The following MAEA variants were observed in gnomAD, a reference collection of about 807,000 sequenced individuals.
MAEA encodes the protein E3 ubiquitin-protein transferase MAEA.
Under a neutral mutation model 46.2 loss-of-function variants are expected in MAEA, and 22 were observed. That is an observed-to-expected ratio of 0.48 (90% CI 0.34 to 0.68). MAEA has a LOEUF of 0.68. Among genes scored for constraint, MAEA ranks in the 30% least tolerant of loss-of-function variants. The pLI is 0.01. For missense variants in MAEA, 393 were observed against 558.1 expected (o/e 0.70, Z 2.98); for synonymous variants, 246 against 222.6 (o/e 1.11, Z -0.94).
Position 1,312,423 on chromosome 4 carries a change from A to ATTTTTTTTTTTT in MAEA, c.252+275_252+286dup, listed in dbSNP as rs34329974. The ATTTTTTTTTTTT allele has an allele frequency of 4.1e-5, 7 of 172,014 alleles. 1 individual carries two copies. Among genetic ancestry groups the ATTTTTTTTTTTT allele is most frequent in the African/African-American group, 3.4e-4 (7 of 20,384 alleles). The allele number at this position is 172,014 out of a possible 1,614,324, so 10.7% of individuals were successfully genotyped here. ...ACCAGGATGTATAGCAGGTTGATTG[A>ATTTTTTTTTTTT]TTTTTTTTTTTTTTTTTTTTTTTTG... is the stretch of plus-strand genomic sequence containing the variant. On this transcript the variant is annotated intron_variant, in intron 2 of 8. Coordinates refer to ENST00000303400, the MANE Select transcript of MAEA (RefSeq NM_001017405.3).
At position 1,311,187 on chromosome 4, in the gene MAEA, T is replaced by C. The variant is rs1736455838; in HGVS notation, c.70-792T>C. ...CAGCACGGCCGTGTTGCTGATGCGC[T>C]GTGTGGTGAGCTGCCGGCCACCAGT... On this transcript the variant is annotated intron_variant, in intron 1 of 8. Transcript: ENST00000303400. This position sits in a 1 kb window ranked among gnomAD's most constrained non-coding sequence, Gnocchi z 4.4. Among the ~76,000 whole-genome samples the C allele has an allele frequency of 6.6e-6, 1 of 152,188 alleles. No homozygotes were observed. The highest frequency in any genetic ancestry group is 1.5e-5 in the Non-Finnish European group (1 of 68,018).
chr4:1,303,525 C>T (rs986134715), intron 1 of MAEA, among the ~76,000 whole-genome samples: 2 of 152,068 alleles, frequency 1.3e-5, no homozygotes, highest in Non-Finnish European at 2.9e-5. Flanking sequence ...AGTGGAGCGT[C>T]GCTGTATGCC....
At chr4:1,321,861 G>GTTTT (rs1240201773) in intron 3 of MAEA, among the ~76,000 whole-genome samples, 4 of 134,860 alleles carry the variant, frequency 3.0e-5, no homozygotes, top group South Asian at 2.3e-4. Context: ...GGGTTACTCT[G>GTTTT]TTTTTTTTGT....
rs1321350043 is a variant in MAEA at position 1,316,995 on chromosome 4, C to G, written c.456+1395C>G. 1.6e-3 allele frequency among the ~76,000 whole-genome samples: 216 copies of G among 138,400 alleles called. 2 individuals carry two copies. The highest frequency in any genetic ancestry group is 2.3e-3 in the South Asian group (10 of 4,346). 90.8% of individuals were successfully genotyped at this position (138,400 alleles called of 152,430 possible). A position where few individuals can be genotyped will look rare whatever the true frequency, so the allele number is the denominator to read the frequency against. On this transcript the variant is annotated intron_variant, in intron 3 of 8. Coordinates refer to ENST00000303400, the MANE Select transcript of MAEA (RefSeq NM_001017405.3). ...ACGGCCCCACACTCTAGACTCACCC[C>G]CAGGCCCACCCCGGCCCCCACACTC...
At chr4:1,323,225 G>T (rs987913159) in intron 4 of MAEA, among the ~76,000 whole-genome samples, 1 of 152,096 alleles carries the variant, frequency 6.6e-6, no homozygotes, top group African/African-American at 2.4e-5. Flanking sequence ...GATTACAGGC[G>T]TGAGCCACCG....
At chr4:1,297,680 C>T (rs1414207701) in intron 1 of MAEA, among the ~76,000 whole-genome samples, 2 of 152,282 alleles carry the variant, frequency 1.3e-5, no homozygotes, top group East Asian at 3.9e-4. Context: ...GGGCACGGGC[C>T]GTCCTTTGTC....
At chr4:1,338,723 GGGACAGGGCTGTGTGGGAC>G (rs1713136598) in intron 8 of MAEA, 106 bp downstream of exon 8, 1 of 1,136,836 alleles carries the variant, frequency 8.8e-7, no homozygotes, top group Non-Finnish European at 1.2e-6. Flanking sequence ...CATCGCCATC[GGGACAGGGCTGTGTGGGAC>G]GGGCAGGGCG....
At chr4:1,294,409 TA>T (rs1368191464) in intron 1 of MAEA, among the ~76,000 whole-genome samples, 6 of 149,532 alleles carry the variant, frequency 4.0e-5, no homozygotes, top group South Asian at 2.1e-4. Context: ...TTTTAAGTAT[TA>T]TTTTTTTAAC....
In MAEA at chr4:1,338,489, A is replaced by T; in HGVS notation, c.967A>T (p.Lys323Ter). ...DCPVCSRSLN[K>*]LAQPLPMAHC... ...CCCTGTGTGCAGCCGCTCCCTGAACAAGCTGGCGCAGCCCCTGCCCATGGC... is the reference window on the plus strand; with the variant it reads ...CCCTGTGTGCAGCCGCTCCCTGAACTAGCTGGCGCAGCCCCTGCCCATGGC... Residue 323 changes from lysine (K) to a stop codon, truncating the protein, a stop_gained, in exon 8 of 9, where the codon AAG becomes TAG. Coordinates refer to ENST00000303400, the MANE Select transcript of MAEA (RefSeq NM_001017405.3). LOFTEE classifies it high-confidence loss of function. 6.2e-7 allele frequency: 1 copy of T among 1,613,120 alleles called. No homozygotes were observed. Among genetic ancestry groups the T allele is most frequent in the Non-Finnish European group, 8.5e-7 (1 of 1,179,978 alleles).
chr4:1,318,341 A>C (rs897067417), intron 3 of MAEA, among the ~76,000 whole-genome samples: 4 of 152,216 alleles, frequency 2.6e-5, no homozygotes, highest in Admixed American at 6.5e-5. Context: ...GAGAGACGTG[A>C]AGTGAAAGAA....
In MAEA at chr4:1,339,211, TGGGCGGGGA is replaced by T; in HGVS notation, c.*45_*53del. ...CGCACGCCTCGGGGACGGGCTGCAG[TGGGCGGGGA>T]GGCCACGCCTTCCTCCTGTCCCACG... On this transcript the variant is annotated 3_prime_UTR_variant, in exon 9 of 9. Coordinates refer to ENST00000303400, the MANE Select transcript of MAEA (RefSeq NM_001017405.3). 1 of 1,511,618 alleles carries T rather than the reference TGGGCGGGGA, an allele frequency of 6.6e-7. No homozygotes were observed. The highest frequency in any genetic ancestry group is 9.2e-7 in the Non-Finnish European group (1 of 1,087,330). The allele number at this position is 1,511,618 out of a possible 1,614,324, so 93.6% of individuals were successfully genotyped here.
chr4:1,315,639 GC>G, intron 3 of MAEA, 39 bp downstream of exon 3: 3 of 1,605,884 alleles, frequency 1.9e-6, no homozygotes, highest in Non-Finnish European at 2.6e-6. Context: ...GCCCCAGCTG[GC>G]CCCAGGCCTA....
At chr4:1,295,874 C>G (rs1734631580) in intron 1 of MAEA, among the ~76,000 whole-genome samples, 1 of 124,192 alleles carries the variant, frequency 8.1e-6, no homozygotes, top group Admixed American at 8.1e-5. Context: ...GCGCCTTTGC[C>G]CCTTCACCTG....
intron 6 of MAEA, among the ~76,000 whole-genome samples, chr4:1,334,261 G>C (rs1454813708): frequency 6.7e-6 from 1 of 149,574 alleles, no homozygotes; most frequent in Non-Finnish European, 1.5e-5. Flanking sequence ...TGTTCTCTGA[G>C]CCTGGCACCA....
intron 5 of MAEA, chr4:1,328,841 C>T (rs997006431): frequency 4.0e-5 from 42 of 1,039,946 alleles, no homozygotes; most frequent in Middle Eastern, 4.3e-4. Context: ...TCTTCACGCA[C>T]GAGGGAGCCA....
chr4:1,326,729 C>T (rs1304415191), intron 4 of MAEA, among the ~76,000 whole-genome samples: 1 of 152,086 alleles, frequency 6.6e-6, no homozygotes, highest in Non-Finnish European at 1.5e-5. Context: ...CGCGAGCCGC[C>T]CCTTGGCCTC....
At chr4:1,304,884 C>G (rs1560337000) in intron 1 of MAEA, among the ~76,000 whole-genome samples, 1 of 152,180 alleles carries the variant, frequency 6.6e-6, no homozygotes, top group South Asian at 2.1e-4. Flanking sequence ...ACGCTATACT[C>G]TATTGAATTT....
intron 3 of MAEA, among the ~76,000 whole-genome samples, chr4:1,319,778 T>C (rs11946384): frequency 0.3 from 45,192 of 150,436 alleles, 9,640 homozygotes; most frequent in African/African-American, 0.58. Context: ...CAAAACAAAG[T>C]AAGACTTTGT....
chr4:1,336,999 C>A lies in MAEA; in HGVS notation c.899+5C>A. ...CCTCTCAGCCATCAAGACACCGTAT[C>A]CTACCTCCCGTGCGCAGTGCGGTTT... is the stretch of plus-strand genomic sequence containing the variant. On this transcript the variant is annotated splice_donor_5th_base_variant and intron_variant, in intron 7 of 8. Transcript: ENST00000303400. 1 of 1,613,526 alleles carries A rather than the reference C, an allele frequency of 6.2e-7. No individual in the cohort carries two copies.
Sources: gnomAD v4.1 joint callset for allele counts (sites outside exome capture counted in the v4.1 genomes callset) on GRCh38, gnomAD v4.1.1 for gene constraint, Gnocchi (gnomAD v3.1) non-coding constraint, MANE v1.5 for transcripts, NCBI Gene and HGNC (gene_info 2026-07-23, HGNC 2026-07-21) for gene names.